TAOK3: variants seen among roughly 807,000 people sequenced by gnomAD.
TAOK3 encodes TAO kinase 3, also known as serine/threonine-protein kinase TAO3.
In TAOK3, 40 loss-of-function variants were observed where a neutral mutation model predicts 120.4. That is an observed-to-expected ratio of 0.33 (90% CI 0.26 to 0.43). TAOK3 has a LOEUF of 0.43. Among genes scored for constraint, TAOK3 ranks in the 20% least tolerant of loss-of-function variants. The probability of loss-of-function intolerance (pLI) is 1.00; values close to 1 mark genes in which losing one functional copy is unlikely to be tolerated. For synonymous variants in TAOK3, 355 were observed against 387.5 expected, an observed-to-expected ratio of 0.92 and a Z score of 0.99; for missense variants, 821 against 1,112.1, an observed-to-expected ratio of 0.74 and a Z score of 3.72.
At chr12:118,269,525 C>T (rs187129678) in intron 1 of TAOK3, among the ~76,000 whole-genome samples, 26 of 151,828 alleles carry the variant, frequency 1.7e-4, no homozygotes, top group Non-Finnish European at 3.4e-4. Flanking sequence ...CGTGCACCAC[C>T]ACGCCTGGCT....
Position 118,222,003 on chromosome 12 carries a change from G to GA in TAOK3, c.644-7894dup, listed in dbSNP as rs761826787. ...AAACGTTGAGCTAGCTACATTAAAAGAAAAAACAGTAGTTTCCCTTTAACT... is the reference window on the plus strand; with the variant it reads ...AAACGTTGAGCTAGCTACATTAAAAGAAAAAAACAGTAGTTTCCCTTTAACT... On this transcript the variant is annotated intron_variant, in intron 9 of 20. Transcript: ENST00000392533. Among the ~76,000 whole-genome samples the GA allele has an allele frequency of 7.0e-4, 106 of 152,038 alleles. 1 individual carries two copies. The highest frequency in any genetic ancestry group is 1.6e-4 in the Non-Finnish European group (11 of 67,964).
chr12:118,266,765 G>A lies in TAOK3; in HGVS notation c.-193-6C>T. Reference sequence around the variant, plus strand: ...CTTTGTATTTATGATGCAACCTATAGAAAAAGAAGAACAAAATACATAATT... The same window carrying A: ...CTTTGTATTTATGATGCAACCTATAAAAAAAGAAGAACAAAATACATAATT... On this transcript the variant is annotated splice_region_variant and splice_polypyrimidine_tract_variant and intron_variant, in intron 1 of 20. Coordinates refer to ENST00000392533, the MANE Select transcript of TAOK3 (RefSeq NM_016281.4). The A allele has an allele frequency of 2.5e-6, 1 of 396,354 alleles. No individual in the cohort carries two copies. The highest frequency in any genetic ancestry group is 4.4e-6 in the Non-Finnish European group (1 of 224,830). The allele number at this position is 396,354 out of a possible 1,614,324, so 24.6% of individuals were successfully genotyped here.
intron 17 of TAOK3, among the ~76,000 whole-genome samples, chr12:118,163,622 AAGAG>A (rs1192512637): frequency 2.4e-4 from 37 of 152,066 alleles, no homozygotes; most frequent in East Asian, 5.8e-4. Context: ...AAAAAAAAAA[AAGAG>A]AGAGAGCAAT....
In TAOK3 at chr12:118,160,112, T is replaced by C. The variant is rs2035118801; in HGVS notation, c.2352+34A>G. The stretch of plus-strand genomic sequence containing the variant: ...CTTGGATTTTCTTGATTCCCAAAGC[T>C]CTCGAAGCCGTGGCACCAAACCTAA... On this transcript the variant is annotated intron_variant, in intron 19 of 20. Coordinates refer to ENST00000392533, the MANE Select transcript of TAOK3 (RefSeq NM_016281.4). The surrounding 1 kb of genome is among the most constrained non-coding windows in gnomAD (Gnocchi z 4.2). The C allele has an allele frequency of 6.6e-7, 1 of 1,522,404 alleles. No individual in the cohort carries two copies. The highest frequency in any genetic ancestry group is 1.7e-5 in the Admixed American group (1 of 59,668). 94.3% of individuals were successfully genotyped at this position (1,522,404 alleles called of 1,614,324 possible).
At chr12:118,361,395 G>A (rs2045592660) in intron 1 of TAOK3, among the ~76,000 whole-genome samples, 1 of 151,774 alleles carries the variant, frequency 6.6e-6, no homozygotes, top group African/African-American at 2.4e-5. Flanking sequence ...GTAAAACCCC[G>A]AGAGTAGAAT....
intron 1 of TAOK3, among the ~76,000 whole-genome samples, chr12:118,342,464 A>G (rs916382698): frequency 6.6e-6 from 1 of 152,254 alleles, no homozygotes; most frequent in African/African-American, 2.4e-5. Context: ...ATTTGAAACA[A>G]TAAAGGTTAG....
intron 1 of TAOK3, among the ~76,000 whole-genome samples, chr12:118,302,715 A>C (rs142799407): frequency 1.8e-4 from 27 of 152,328 alleles, no homozygotes; most frequent in African/African-American, 6.0e-4. Flanking sequence ...TAAATGAATA[A>C]AAAATGGAGG....
At chr12:118,328,106 T>C (rs963338781) in intron 1 of TAOK3, among the ~76,000 whole-genome samples, 4 of 151,436 alleles carry the variant, frequency 2.6e-5, no homozygotes, top group African/African-American at 9.7e-5. Flanking sequence ...CAGGCTGGAG[T>C]GCAGTGGTGC....
intron 1 of TAOK3, among the ~76,000 whole-genome samples, chr12:118,316,631 G>A (rs568937612): frequency 5.4e-4 from 82 of 151,994 alleles, no homozygotes; most frequent in African/African-American, 1.9e-3. Flanking sequence ...GTCCAGGCTG[G>A]TCTTGAACTT....
chr12:118,265,800 G>A (rs953889499), intron 2 of TAOK3, among the ~76,000 whole-genome samples: 23 of 152,150 alleles, frequency 1.5e-4, no homozygotes, highest in African/African-American at 5.3e-4. Context: ...GAAGGAATAC[G>A]ACAGTGCATC....
chr12:118,153,813 A>T (rs1270647258), intron 19 of TAOK3, among the ~76,000 whole-genome samples: 1 of 152,226 alleles, frequency 6.6e-6, no homozygotes, highest in African/African-American at 2.4e-5. Flanking sequence ...TTACTTTTTG[A>T]AATGTTATAT....
intron 1 of TAOK3, among the ~76,000 whole-genome samples, chr12:118,274,118 A>G (rs1411869722): frequency 6.6e-6 from 1 of 151,872 alleles, no homozygotes; most frequent in Non-Finnish European, 1.5e-5. Context: ...AGAACTGTCT[A>G]AAAAAAACAA....
intron 11 of TAOK3, among the ~76,000 whole-genome samples, chr12:118,205,544 A>G (rs1047813212): frequency 2.0e-5 from 3 of 152,106 alleles, no homozygotes; most frequent in Admixed American, 1.3e-4. Context: ...TCCTACTACC[A>G]TAATTATCTT....
chr12:118,235,473 T>C (rs1182723969), intron 8 of TAOK3, 85 bp downstream of exon 8: 2 of 1,041,570 alleles, frequency 1.9e-6, no homozygotes, highest in South Asian at 1.5e-5. Context: ...TAAGACACTG[T>C]CACAAAACCA....
Position 118,160,106 on chromosome 12 carries a change from C to A in TAOK3, c.2352+40G>T. ...CTGGATCTTGGATTTTCTTGATTCC[C>A]AAAGCTCTCGAAGCCGTGGCACCAA... On this transcript the variant is annotated intron_variant, in intron 19 of 20. Coordinates refer to ENST00000392533, the MANE Select transcript of TAOK3 (RefSeq NM_016281.4). The surrounding 1 kb of genome is among the most constrained non-coding windows in gnomAD (Gnocchi z 4.2). 6.7e-7 allele frequency: 1 copy of A among 1,503,434 alleles called. No individual in the cohort carries two copies. Among genetic ancestry groups the A allele is most frequent in the South Asian group, 1.1e-5 (1 of 88,360 alleles). The allele number at this position is 1,503,434 out of a possible 1,614,324, so 93.1% of individuals were successfully genotyped here.
intron 1 of TAOK3, among the ~76,000 whole-genome samples, chr12:118,271,592 C>T (rs963814249): frequency 6.6e-6 from 1 of 152,156 alleles, no homozygotes; most frequent in African/African-American, 2.4e-5. Flanking sequence ...ATTTGGACTG[C>T]TTTAACTTTT....
chr12:118,363,982 A>G (rs545465783), intron 1 of TAOK3, among the ~76,000 whole-genome samples: 9 of 152,188 alleles, frequency 5.9e-5, no homozygotes, highest in Admixed American at 5.9e-4. Context: ...TTAGCTGGGC[A>G]TGGTGACGCA....
chr12:118,255,009 G>C (rs540186445), intron 3 of TAOK3, among the ~76,000 whole-genome samples: 33 of 152,128 alleles, frequency 2.2e-4, no homozygotes, highest in African/African-American at 7.7e-4. Flanking sequence ...TGATCTGCCC[G>C]CCTCAGCCTC....
intron 1 of TAOK3, among the ~76,000 whole-genome samples, chr12:118,314,956 TC>T (rs2043396500): frequency 6.6e-6 from 1 of 151,874 alleles, no homozygotes; most frequent in Non-Finnish European, 1.5e-5. Context: ...GTAGTCTCAC[TC>T]TATGGCCCCG....
Sources: allele counts gnomAD v4.1 joint callset (sites outside exome capture counted in the v4.1 genomes callset), GRCh38; gene constraint gnomAD v4.1.1; non-coding constraint Gnocchi (gnomAD v3.1); transcripts MANE v1.5; gene names NCBI Gene and HGNC (gene_info 2026-07-23, HGNC 2026-07-21).